Variants in WBP1L observed in about 807,000 individuals in gnomAD.
WBP1L encodes the protein WW domain binding protein 1-like.
In WBP1L, 17 loss-of-function variants were observed where a neutral mutation model predicts 33.7. The ratio of observed to expected loss-of-function variants is 0.50; its 90% confidence interval spans 0.34 to 0.76. The LOEUF (loss-of-function observed/expected upper bound fraction) is 0.76, where lower values mean the gene tolerates loss of function less well. WBP1L is among the 30% of genes least tolerant of loss of function. The pLI is 0.01. For synonymous variants in WBP1L, 173 were observed against 190.8 expected (o/e 0.91, Z 0.77); for missense variants, 389 against 469.4 (o/e 0.83, Z 1.58).
Position 102,759,605 on chromosome 10 carries a change from G to T in WBP1L, c.90+15462G>T, listed in dbSNP as rs12413640. On this transcript the variant is annotated intron_variant, in intron 1 of 3. Coordinates refer to ENST00000448841, the MANE Select transcript of WBP1L (RefSeq NM_001083913.2). The stretch of plus-strand genomic sequence containing the variant: ...TTGATGAACATTTGAGCTGTTTCCA[G>T]TTTGGGACTATTATGAATAATGCTG... Among the ~76,000 whole-genome samples, 295 of 152,268 alleles carry T rather than the reference G, an allele frequency of 1.9e-3. 9 individuals are homozygous for T. Among genetic ancestry groups the T allele is most frequent in the Admixed American group, 0.014 (218 of 15,290 alleles).
chr10:102,768,131 C>A (rs1843136031), intron 1 of WBP1L, among the ~76,000 whole-genome samples: 1 of 152,148 alleles, frequency 6.6e-6, no homozygotes, highest in Admixed American at 6.5e-5. Flanking sequence ...CATGCATTGG[C>A]ATGATCTCGG....
intron 1 of WBP1L, among the ~76,000 whole-genome samples, chr10:102,789,188 C>T (rs144684911): frequency 1.8e-4 from 28 of 152,262 alleles, no homozygotes; most frequent in African/African-American, 5.8e-4. Flanking sequence ...GTCTCGAATT[C>T]GTAACCTCAG....
In WBP1L at chr10:102,812,745, A is replaced by G; in HGVS notation, c.506A>G (p.Asp169Gly). 6.2e-7 allele frequency: 1 copy of G among 1,613,674 alleles called. No individual in the cohort carries two copies. The highest frequency in any genetic ancestry group is 8.5e-7 in the Non-Finnish European group (1 of 1,179,874). ...GCAGGTGGCAGTCCCCCGGGCATCG[A>G]TCCCACCAGGGGATCCCAGGGGGCA... The part of the protein sequence containing the change: ...GPAGGSPPGI[D>G]PTRGSQGAQS... Residue 169 changes from aspartate (D) to glycine (G), a missense_variant, in exon 4 of 4, where the codon GAT becomes GGT. Asp to Gly is a moderately conservative substitution (Grantham distance 94, BLOSUM62 -1). Transcript: ENST00000448841.
chr10:102,748,723 G>A (rs746816157), intron 1 of WBP1L, among the ~76,000 whole-genome samples: 34 of 152,184 alleles, frequency 2.2e-4, no homozygotes, highest in Non-Finnish European at 4.3e-4. Flanking sequence ...TTGTGGCAAG[G>A]ACAGATAGCG....
intron 1 of WBP1L, chr10:102,746,287 G>T (rs749354598): frequency 2.0e-5 from 8 of 402,720 alleles, no homozygotes; most frequent in Non-Finnish European, 2.7e-5. Flanking sequence ...TTGGGGACAG[G>T]TGTCTTTTGT....
intron 1 of WBP1L, among the ~76,000 whole-genome samples, chr10:102,794,099 G>C (rs1284635290): frequency 1.3e-5 from 2 of 152,020 alleles, no homozygotes; most frequent in African/African-American, 4.8e-5. Flanking sequence ...CTTAGGCTTT[G>C]TGTAGATCTT....
intron 1 of WBP1L, among the ~76,000 whole-genome samples, chr10:102,769,958 A>C (rs545266353): frequency 6.6e-6 from 1 of 152,336 alleles, no homozygotes; most frequent in Admixed American, 6.5e-5. Context: ...GCCCAGAAGC[A>C]GGAGAGGTGT....
rs941252318 is a variant in WBP1L, at chr10:102,788,805, G to C, written c.91-9188G>C. ...AGAGCAGCCACAACCTGGCTGGGGGGGATAAATAAAGGCTCAAGGTAAAGA... is the reference window on the plus strand; with the variant it reads ...AGAGCAGCCACAACCTGGCTGGGGGCGATAAATAAAGGCTCAAGGTAAAGA... On this transcript the variant is annotated intron_variant, in intron 1 of 3. Transcript: ENST00000448841. Among the ~76,000 whole-genome samples the C allele has an allele frequency of 2.6e-5, 4 of 151,982 alleles. No individual in the cohort carries two copies. The East Asian group carries it at 7.7e-4, about 29-fold the overall frequency.
intron 1 of WBP1L, among the ~76,000 whole-genome samples, chr10:102,749,784 A>T (rs1285745431): frequency 6.6e-6 from 1 of 151,238 alleles, no homozygotes; most frequent in Non-Finnish European, 1.5e-5. Flanking sequence ...TTATTTATTT[A>T]TTTATTTTTT....
intron 2 of WBP1L, among the ~76,000 whole-genome samples, chr10:102,801,771 A>G (rs765477753): frequency 3.3e-5 from 5 of 152,116 alleles, no homozygotes; most frequent in Non-Finnish European, 5.9e-5. Flanking sequence ...GAAGTGACAC[A>G]AAACAGGCTA....
chr10:102,784,131 G>C (rs34416174), intron 1 of WBP1L, among the ~76,000 whole-genome samples: 34,318 of 151,982 alleles, frequency 0.23, 4,896 homozygotes, highest in Non-Finnish European at 0.32. Context: ...AAGTCGGATG[G>C]AACTGACGTT....
intron 1 of WBP1L, among the ~76,000 whole-genome samples, chr10:102,762,123 G>A (rs1843049167): frequency 1.3e-5 from 2 of 152,166 alleles, no homozygotes; most frequent in South Asian, 4.1e-4. Flanking sequence ...AAAGTGCTAA[G>A]ATTACAGACA....
In WBP1L at chr10:102,802,372, C is replaced by T. The variant is rs560854991; in HGVS notation, c.193+4277C>T. On this transcript the variant is annotated intron_variant, in intron 2 of 3. Transcript: ENST00000448841. ...TGCCCAAGCTTCGTTTTTTACCTGC[C>T]GTTTTTTTTTGTTTTGTTTTTAGTT... 4.0e-5 allele frequency among the ~76,000 whole-genome samples: 6 copies of T among 151,062 alleles called. No homozygotes were observed. The South Asian group carries it at 8.4e-4, about 21-fold the overall frequency.
At chr10:102,801,263 T>A (rs1843654119) in intron 2 of WBP1L, among the ~76,000 whole-genome samples, 1 of 152,152 alleles carries the variant, frequency 6.6e-6, no homozygotes, top group Non-Finnish European at 1.5e-5. Flanking sequence ...CTCCATGCAT[T>A]TTTACGGCAC....
chr10:102,785,480 C>T (rs1422466054), intron 1 of WBP1L, among the ~76,000 whole-genome samples: 1 of 149,524 alleles, frequency 6.7e-6, no homozygotes, highest in Non-Finnish European at 1.5e-5. Context: ...AGCCACTGCG[C>T]CCAGCCTCAG....
intron 1 of WBP1L, chr10:102,746,091 T>C (rs1411402515): frequency 1.0e-6 from 1 of 977,550 alleles, no homozygotes; most frequent in Non-Finnish European, 1.2e-6. Context: ...GATGGGCTGG[T>C]CAAAGATAGG....
chr10:102,762,652 A>T (rs1403185151), intron 1 of WBP1L, among the ~76,000 whole-genome samples: 2 of 152,222 alleles, frequency 1.3e-5, no homozygotes, highest in African/African-American at 2.4e-5. Flanking sequence ...AGATTAACTT[A>T]CGACGTTTGC....
At chr10:102,770,623 A>C (rs903973924) in intron 1 of WBP1L, among the ~76,000 whole-genome samples, 1 of 151,702 alleles carries the variant, frequency 6.6e-6, no homozygotes, top group African/African-American at 2.4e-5. Context: ...TCTGTTGTGC[A>C]TTAGGAACAG....
At chr10:102,744,298 T>C (rs1842835194) in intron 1 of WBP1L, 155 bp downstream of exon 1, 1 of 919,012 alleles carries the variant, frequency 1.1e-6, no homozygotes, top group Non-Finnish European at 1.3e-6. Context: ...CGTCGGTATT[T>C]AGCTGAGGGA....
Sources: allele counts gnomAD v4.1 joint callset (sites outside exome capture counted in the v4.1 genomes callset), GRCh38; gene constraint gnomAD v4.1.1; transcripts MANE v1.5; gene names NCBI Gene and HGNC (gene_info 2026-07-23, HGNC 2026-07-21).